Variants in CYP2E1 observed in about 807,000 individuals in gnomAD.
The protein encoded by CYP2E1 is cytochrome P450 2E1.
Under a neutral mutation model 42.9 loss-of-function variants are expected in CYP2E1, and 31 were observed. The observed-to-expected ratio is 0.72, with a 90% CI of 0.54 to 0.98. CYP2E1 has a LOEUF of 0.98. Among genes scored for constraint, CYP2E1 ranks in the 50% least tolerant of loss-of-function variants. The pLI is 0.00. For synonymous variants in CYP2E1, 244 were observed against 248.9 expected, an observed-to-expected ratio of 0.98 and a Z score of 0.19; for missense variants, 565 against 633.2, an observed-to-expected ratio of 0.89 and a Z score of 1.16.
chr10:133,535,449 C>T (rs1364121586), intron 6 of CYP2E1, among the ~76,000 whole-genome samples: 1 of 152,142 alleles, frequency 6.6e-6, no homozygotes, highest in African/African-American at 2.4e-5. Flanking sequence ...ACAGGTGTGG[C>T]CACCGTGCCC....
At chr10:133,530,091 C>A (rs1372359239) in intron 2 of CYP2E1, among the ~76,000 whole-genome samples, 1 of 152,102 alleles carries the variant, frequency 6.6e-6, no homozygotes, top group Non-Finnish European at 1.5e-5. Flanking sequence ...ACTTTGCTGC[C>A]TCTGCCTGGA....
chr10:133,534,688 C>T lies in CYP2E1; in HGVS notation c.967+791C>T, dbSNP rs117675964. Among the ~76,000 whole-genome samples the T allele has an allele frequency of 7.5e-4, 114 of 152,202 alleles. 2 individuals are homozygous for T. The East Asian group carries it at 0.016, about 22-fold the overall frequency. ...AGTTCACAGCCTGAGTGGTGTGTGC[C>T]GCCCTCCTCCTGAAGCTGCTGCTAA... is the stretch of plus-strand genomic sequence containing the variant. On this transcript the variant is annotated intron_variant, in intron 6 of 8. Transcript: ENST00000252945.
At chr10:133,537,977 C>T in intron 8 of CYP2E1, 85 bp downstream of exon 8, 3 of 1,390,024 alleles carry the variant, frequency 2.2e-6, no homozygotes, top group South Asian at 1.4e-5. Context: ...GCCCTCGTCC[C>T]AGGCACCCAC....
chr10:133,527,893 T>C (rs1181686189), intron 1 of CYP2E1, among the ~76,000 whole-genome samples: 1 of 152,256 alleles, frequency 6.6e-6, no homozygotes, highest in Non-Finnish European at 1.5e-5. Context: ...GGCGTCCGCC[T>C]GTGTTTGCCA....
intron 2 of CYP2E1, among the ~76,000 whole-genome samples, chr10:133,529,260 C>A (rs754503065): frequency 1.3e-5 from 2 of 152,232 alleles, no homozygotes; most frequent in African/African-American, 4.8e-5. Context: ...TGTTCCCTCT[C>A]TAGGGAGAGG....
In CYP2E1 at chr10:133,537,077, G is replaced by T. The variant is rs969893824; in HGVS notation, c.982G>T (p.Glu328Ter). 6.8e-6 allele frequency: 11 copies of T among 1,613,626 alleles called. No homozygotes were observed. Among genetic ancestry groups the T allele is most frequent in the Non-Finnish European group, 9.3e-6 (11 of 1,179,722 alleles). ...TATCTTGGCAGAGAAGCTCCATGAA[G>T]AAATTGACAGGGTGATTGGGCCAAG... is the stretch of plus-strand genomic sequence containing the variant. ...YPEIEEKLHE[E>*]IDRVIGPSRI... is the part of the protein sequence containing the mutation. The change falls in exon 7 of 9, where the codon GAA becomes TAA. Residue 328 changes from glutamate to a stop codon, truncating the protein, a stop_gained. Transcript: ENST00000252945. LOFTEE classifies it high-confidence loss of function.
chr10:133,528,283 C>A (rs1851294832), intron 1 of CYP2E1, 198 bp from the exon 2 acceptor site: 2 of 599,138 alleles, frequency 3.3e-6, no homozygotes, highest in Admixed American at 6.0e-5. Flanking sequence ...CAGCTGGAAC[C>A]CCCCGAGCGC....
rs201068922 is a variant in CYP2E1, at chr10:133,527,452, G to T, written c.57G>T (p.Leu19=). 6.2e-7 allele frequency: 1 copy of T among 1,613,628 alleles called. No individual in the cohort carries two copies. The highest frequency in any genetic ancestry group is 2.2e-5 in the East Asian group (1 of 44,876). Residue 19 remains leucine (L), a synonymous_variant, in exon 1 of 9, where the codon CTG becomes CTT. Transcript: ENST00000252945. ...ALLVWAAFLL[L]VSMWRQVHSS... Reference sequence around the variant, plus strand: ...TGGTGTGGGCGGCCTTCCTCCTGCTGGTGTCCATGTGGAGGCAGGTGCACA... The same window carrying T: ...TGGTGTGGGCGGCCTTCCTCCTGCTTGTGTCCATGTGGAGGCAGGTGCACA...
chr10:133,531,748 G>C lies in CYP2E1; in HGVS notation c.487+14G>C. The C allele has an allele frequency of 6.4e-7, 1 of 1,569,168 alleles. No homozygotes were observed. Among genetic ancestry groups the C allele is most frequent in the East Asian group, 2.2e-5 (1 of 44,722 alleles). ...GGAAGACCCAAGGTGCGTATCTGCT[G>C]CCTAGCAGGGCCCAGTCCTCTTGCA... On this transcript the variant is annotated intron_variant, in intron 3 of 8. Transcript: ENST00000252945.
intron 2 of CYP2E1, among the ~76,000 whole-genome samples, chr10:133,530,291 A>G (rs1851321191): frequency 6.6e-6 from 1 of 152,204 alleles, no homozygotes; most frequent in Non-Finnish European, 1.5e-5. Context: ...GAAAAAGTTC[A>G]TAAAACGGAG....
In CYP2E1 at chr10:133,539,119, C is replaced by A; in HGVS notation, c.*155C>A. ...ATAAATCATCACATGATTATTTTAA[C>A]TATATGTTAAGTCATGGAATATCTT... On this transcript the variant is annotated 3_prime_UTR_variant, in exon 9 of 9. Transcript: ENST00000252945. 1 of 441,224 alleles carries A rather than the reference C, an allele frequency of 2.3e-6. No individual in the cohort carries two copies. The allele number at this position is 441,224 out of a possible 1,614,324, so 27.3% of individuals were successfully genotyped here.
intron 8 of CYP2E1, 56 bp from the exon 9 acceptor site, chr10:133,538,724 A>G: frequency 6.7e-7 from 1 of 1,496,078 alleles, no homozygotes; most frequent in East Asian, 2.3e-5. Flanking sequence ...CACTGTTAAC[A>G]GTGTCGTGTC....
chr10:133,532,513 C>T (rs12254225), intron 4 of CYP2E1, among the ~76,000 whole-genome samples, 179 bp from the exon 5 acceptor site: 10,876 of 151,990 alleles, frequency 0.072, 884 homozygotes, highest in African/African-American at 0.2. Flanking sequence ...GCACATTTGC[C>T]ATGCAGAGTT....
At chr10:133,536,828 G>T (rs71505853) in intron 6 of CYP2E1, among the ~76,000 whole-genome samples, 83,128 of 114,310 alleles carry the variant, frequency 0.73, 33,932 homozygotes, top group Non-Finnish European at 0.89. Flanking sequence ...TGGATGGGTG[G>T]GTGGGTGGAT....
intron 3 of CYP2E1, 51 bp downstream of exon 3, chr10:133,531,785 T>C (rs1191541673): frequency 6.6e-7 from 1 of 1,526,124 alleles, no homozygotes; most frequent in Admixed American, 2.1e-5. Context: ...ACCAGCGGTG[T>C]GGGGAGCCCT....
intron 6 of CYP2E1, 51 bp from the exon 7 acceptor site, chr10:133,537,012 C>A (rs1408715712): frequency 1.6e-6 from 1 of 617,300 alleles, no homozygotes; most frequent in South Asian, 2.4e-5. Flanking sequence ...GGTGGATGCC[C>A]AACTGGCCAG....
chr10:133,537,800 A>G lies in CYP2E1; in HGVS notation c.1205A>G (p.Glu402Gly). The change falls in exon 8 of 9, where the codon GAA becomes GGA. Residue 402 changes from glutamate to glycine, a missense_variant. Transcript: ENST00000252945. ...TLDSVLYDNQEFPDPEKFKPE... is the reference protein window; with the variant it reads ...TLDSVLYDNQGFPDPEKFKPE... ...GACTCTGTTTTGTATGACAACCAAG[A>G]ATTTCCTGATCCAGAAAAGTTTAAG... The G allele has an allele frequency of 6.2e-7, 1 of 1,613,904 alleles. No homozygotes were observed. Among genetic ancestry groups the G allele is most frequent in the Non-Finnish European group, 8.5e-7 (1 of 1,179,814 alleles).
chr10:133,531,507 C>T, intron 2 of CYP2E1, 78 bp from the exon 3 acceptor site: 2 of 1,521,784 alleles, frequency 1.3e-6, no homozygotes, highest in Non-Finnish European at 9.1e-7. Flanking sequence ...TCCTGCCCTG[C>T]TCTCCAAGGC....
chr10:133,531,888 G>C, intron 3 of CYP2E1, 154 bp downstream of exon 3: 1 of 847,052 alleles, frequency 1.2e-6, no homozygotes, highest in Admixed American at 2.9e-5. Context: ...TACAACTCTA[G>C]GTTCCAGCTA....
Sources: gnomAD v4.1 joint callset for allele counts (sites outside exome capture counted in the v4.1 genomes callset) on GRCh38, gnomAD v4.1.1 for gene constraint, MANE v1.5 for transcripts, NCBI Gene and HGNC (gene_info 2026-07-23, HGNC 2026-07-21) for gene names.